PRKN: variants seen among roughly 807,000 people sequenced by gnomAD.
The protein encoded by PRKN is E3 ubiquitin-protein ligase parkin.
A neutral mutation model predicts 59.5 loss-of-function variants in PRKN; 56 were observed. That is an observed-to-expected ratio of 0.94 (90% CI 0.76 to 1.18). The LOEUF (loss-of-function observed/expected upper bound fraction) is 1.18, where lower values mean the gene tolerates loss of function less well. Ranked by LOEUF, PRKN falls within the 50% of genes most tolerant of loss-of-function variation. PRKN has a pLI of 0.00. For synonymous variants in PRKN, 250 were observed against 222.1 expected, an observed-to-expected ratio of 1.13 and a Z score of -1.12; for missense variants, 657 against 596.4, an observed-to-expected ratio of 1.10 and a Z score of -1.06.
chr6:162,666,511 G>A lies in PRKN; in HGVS notation c.7+61151C>T, dbSNP rs552310257. On this transcript the variant is annotated intron_variant, in intron 1 of 11. Transcript: ENST00000366898. Reference sequence around the variant, plus strand: ...GCTAAGATATTAGTCCTAGGAGAGCGAAATGTCCTGGAAGCCAAGAAAAGC... The same window carrying A: ...GCTAAGATATTAGTCCTAGGAGAGCAAAATGTCCTGGAAGCCAAGAAAAGC... Among the ~76,000 whole-genome samples, 7 of 152,158 alleles carry A rather than the reference G, an allele frequency of 4.6e-5. No individual in the cohort carries two copies. The South Asian group carries it at 6.2e-4, about 14-fold the overall frequency.
chr6:162,333,485 T>C (rs778443368), intron 2 of PRKN, among the ~76,000 whole-genome samples: 21 of 152,204 alleles, frequency 1.4e-4, no homozygotes, highest in Non-Finnish European at 2.5e-4. Flanking sequence ...ACTATCATTA[T>C]ATCTGTTATT....
intron 2 of PRKN, among the ~76,000 whole-genome samples, chr6:162,370,341 C>T (rs1785689991): frequency 6.6e-6 from 1 of 151,992 alleles, no homozygotes; most frequent in Non-Finnish European, 1.5e-5. Context: ...GAAAAAAAGG[C>T]ATAGCATTTT....
chr6:162,532,822 C>T (rs530219967), intron 1 of PRKN, among the ~76,000 whole-genome samples: 16 of 152,324 alleles, frequency 1.1e-4, no homozygotes, highest in East Asian at 5.8e-4. Flanking sequence ...CTACTGTAGA[C>T]GTCACTGAAA....
Position 162,498,388 on chromosome 6 carries a change from CTTT to C in PRKN, c.8-54918_8-54916del, listed in dbSNP as rs1264794142. 1.5e-3 allele frequency among the ~76,000 whole-genome samples: 51 copies of C among 33,138 alleles called. 1 individual carries two copies. The highest frequency in any genetic ancestry group is 2.7e-3 in the Non-Finnish European group (44 of 16,376). 21.7% of individuals were successfully genotyped at this position (33,138 alleles called of 152,430 possible). ...TCCAGCAGAATCATTTTTTTTCTTT[CTTT>C]CCTTTTTTTTTTTTTTTTTTTTTTG... On this transcript the variant is annotated intron_variant, in intron 1 of 11. Coordinates refer to ENST00000366898, the MANE Select transcript of PRKN (RefSeq NM_004562.3).
At position 161,460,785 on chromosome 6, in the gene PRKN, C is replaced by G. The variant is rs1184360674; in HGVS notation, c.1084-73908G>C. Among the ~76,000 whole-genome samples, 2 of 150,100 alleles carry G rather than the reference C, an allele frequency of 1.3e-5. No individual in the cohort carries two copies. Among genetic ancestry groups the G allele is most frequent in the East Asian group, 3.9e-4 (2 of 5,122 alleles). On this transcript the variant is annotated intron_variant, in intron 9 of 11. Transcript: ENST00000366898. This position sits in a 1 kb window ranked among gnomAD's most constrained non-coding sequence, Gnocchi z 5.0. ...TTTTTTCTTCAGATGGAGTCTCGTT[C>G]TGTCGCCAGGCTGGAGTGCAGTGTC...
At chr6:162,546,252 C>T (rs889121612) in intron 1 of PRKN, among the ~76,000 whole-genome samples, 2 of 151,766 alleles carry the variant, frequency 1.3e-5, no homozygotes, top group Non-Finnish European at 1.5e-5. Flanking sequence ...TATAGGCGTG[C>T]GCCACCAGGC....
intron 4 of PRKN, among the ~76,000 whole-genome samples, chr6:162,059,299 T>A (rs1777999266): frequency 6.9e-6 from 1 of 144,338 alleles, no homozygotes; most frequent in African/African-American, 2.6e-5. Context: ...AATGGAATTC[T>A]TTTGAATCTG....
chr6:161,844,699 T>C lies in PRKN; in HGVS notation c.735-58791A>G, dbSNP rs1793126579. Among the ~76,000 whole-genome samples, 3 of 152,250 alleles carry C rather than the reference T, an allele frequency of 2.0e-5. No individual in the cohort carries two copies. The South Asian group carries it at 6.2e-4, about 31-fold the overall frequency. On this transcript the variant is annotated intron_variant, in intron 6 of 11. Coordinates refer to ENST00000366898, the MANE Select transcript of PRKN (RefSeq NM_004562.3). ...CTGCTCCACCTTTCCCCGATTCTTG[T>C]TCACAAGGTCAGAGGTTGAGGAAAT...
rs749277461 is a variant in PRKN, at chr6:161,545,377, T to C, written c.1083+3477A>G. 2 of 1,612,112 alleles carry C rather than the reference T, an allele frequency of 1.2e-6. No individual in the cohort carries two copies. Among genetic ancestry groups the C allele is most frequent in the Middle Eastern group, 1.6e-4 (1 of 6,084 alleles). ...CTACCAATGACTTTTCCTTGAACGA[T>C]GTATTGAATGAGGCACTCACTTCTC... On this transcript the variant is annotated intron_variant, in intron 9 of 11. Transcript: ENST00000366898. This position sits in a 1 kb window ranked among gnomAD's most constrained non-coding sequence, Gnocchi z 4.1.
At chr6:162,692,787 T>C (rs761375279) in intron 1 of PRKN, among the ~76,000 whole-genome samples, 14 of 152,228 alleles carry the variant, frequency 9.2e-5, no homozygotes, top group African/African-American at 2.2e-4. Context: ...TTTTGCTATA[T>C]TAAGCCATAA....
chr6:161,762,436 T>C (rs1405369453), intron 7 of PRKN, among the ~76,000 whole-genome samples: 1 of 152,196 alleles, frequency 6.6e-6, no homozygotes, highest in African/African-American at 2.4e-5. Flanking sequence ...GGTCTTTTAA[T>C]GCAGAAGTTA....
In PRKN at chr6:161,395,224, T is replaced by C. The variant is rs1786702642; in HGVS notation, c.1084-8347A>G. ...TAAACAAAAATACCCTATAAAACAT[T>C]GTATAATGTGCTGTACTCTGCTTGT... On this transcript the variant is annotated intron_variant, in intron 9 of 11. Coordinates refer to ENST00000366898, the MANE Select transcript of PRKN (RefSeq NM_004562.3). The surrounding 1 kb of genome is among the most constrained non-coding windows in gnomAD (Gnocchi z 5.0). 1.3e-5 allele frequency among the ~76,000 whole-genome samples: 2 copies of C among 152,130 alleles called. No homozygotes were observed. The highest frequency in any genetic ancestry group is 1.3e-4 in the Admixed American group (2 of 15,288).
At chr6:162,431,267 T>C (rs1251683354) in intron 2 of PRKN, among the ~76,000 whole-genome samples, 1 of 139,090 alleles carries the variant, frequency 7.2e-6, no homozygotes, top group African/African-American at 2.9e-5. Flanking sequence ...TAATTGAGAA[T>C]GCGGCAGAGA....
intron 4 of PRKN, among the ~76,000 whole-genome samples, chr6:162,185,060 T>C (rs1272074041): frequency 1.3e-5 from 2 of 152,200 alleles, no homozygotes; most frequent in Admixed American, 6.6e-5. Flanking sequence ...GGCATCGTTA[T>C]GAAACTTGTA....
At chr6:162,166,644 A>G (rs1193830460) in intron 4 of PRKN, among the ~76,000 whole-genome samples, 1 of 152,226 alleles carries the variant, frequency 6.6e-6, no homozygotes, top group Non-Finnish European at 1.5e-5. Flanking sequence ...AAATTCTTCA[A>G]AAATGAGACG....
intron 9 of PRKN, among the ~76,000 whole-genome samples, chr6:161,439,830 A>G (rs1232900565): frequency 6.6e-6 from 1 of 152,168 alleles, no homozygotes; most frequent in African/African-American, 2.4e-5. Flanking sequence ...TTAATTATGC[A>G]AGCAATCTCG....
chr6:162,363,724 T>C (rs532624894), intron 2 of PRKN, among the ~76,000 whole-genome samples: 1 of 152,322 alleles, frequency 6.6e-6, no homozygotes, highest in Admixed American at 6.5e-5. Context: ...CTATTAGATA[T>C]TGTGATATAA....
intron 2 of PRKN, among the ~76,000 whole-genome samples, chr6:162,368,929 T>C (rs1477915534): frequency 6.6e-6 from 1 of 152,200 alleles, no homozygotes; most frequent in Non-Finnish European, 1.5e-5. Context: ...ACCTTGTGAT[T>C]AAAAAGATAA....
chr6:161,707,090 G>T (rs1786532733), intron 7 of PRKN, among the ~76,000 whole-genome samples: 1 of 152,218 alleles, frequency 6.6e-6, no homozygotes, highest in South Asian at 2.1e-4. Flanking sequence ...GTGTTTGGTA[G>T]ATTTGAAGCA....
Sources: gnomAD v4.1 joint callset for allele counts (sites outside exome capture counted in the v4.1 genomes callset) on GRCh38, gnomAD v4.1.1 for gene constraint, Gnocchi (gnomAD v3.1) non-coding constraint, MANE v1.5 for transcripts, NCBI Gene and HGNC (gene_info 2026-07-23, HGNC 2026-07-21) for gene names.